Variants in GALNT13 observed in about 807,000 individuals in gnomAD.
The protein encoded by GALNT13 is polypeptide N-acetylgalactosaminyltransferase 13, also known as UDP-GalNAc:polypeptide N-acetylgalactosaminyltransferase 13.
In GALNT13, 28 loss-of-function variants were observed where a neutral mutation model predicts 64.2. The observed-to-expected ratio is 0.44, with a 90% CI of 0.32 to 0.60. The LOEUF (loss-of-function observed/expected upper bound fraction) is 0.60, where lower values mean the gene tolerates loss of function less well. GALNT13 is among the 20% of genes least tolerant of loss of function. GALNT13 has a pLI of 0.05. For synonymous variants in GALNT13, 214 were observed against 224.6 expected (o/e 0.95, Z 0.42); for missense variants, 577 against 669.8 (o/e 0.86, Z 1.53).
intron 3 of GALNT13, among the ~76,000 whole-genome samples, chr2:154,047,925 G>C (rs1314885374): frequency 6.6e-6 from 1 of 152,150 alleles, no homozygotes; most frequent in Non-Finnish European, 1.5e-5. Flanking sequence ...TGTGACAACT[G>C]AAAGTGTCTC....
chr2:154,287,059 C>A, intron 8 of GALNT13: 1 of 710,716 alleles, frequency 1.4e-6, no homozygotes, highest in South Asian at 1.4e-5. Flanking sequence ...CCTTACAGGT[C>A]ATCTTTGGGC....
At chr2:153,119,282 T>C in the GALNT13 span, among the ~76,000 whole-genome samples, 8 of 152,056 alleles carry the variant, frequency 5.3e-5, no homozygotes, top group Non-Finnish European at 8.8e-5. Flanking sequence ...ACCCATGCAG[T>C]TTGGCTTTAG....
At chr2:153,896,003 T>G (rs933522703) in intron 1 of GALNT13, among the ~76,000 whole-genome samples, 1 of 149,110 alleles carries the variant, frequency 6.7e-6, no homozygotes, top group African/African-American at 2.5e-5. Flanking sequence ...ATAAAATAGT[T>G]TGTATGATAT....
the GALNT13 span, among the ~76,000 whole-genome samples, chr2:153,552,624 C>T: frequency 7.5e-6 from 1 of 133,678 alleles, no homozygotes; most frequent in Non-Finnish European, 1.5e-5. Flanking sequence ...GAATCAAAGG[C>T]ATCATTGACA....
At chr2:153,447,469 A>T in the GALNT13 span, among the ~76,000 whole-genome samples, 1 of 152,218 alleles carries the variant, frequency 6.6e-6, no homozygotes, top group Admixed American at 6.5e-5. Context: ...AAGGGGAAAA[A>T]TACACGTATA....
the GALNT13 span, among the ~76,000 whole-genome samples, chr2:153,400,536 C>G: frequency 2.0e-5 from 3 of 152,132 alleles, no homozygotes; most frequent in African/African-American, 7.2e-5. Flanking sequence ...TAGAATTCGG[C>G]TGTGAATCCA....
the GALNT13 span, among the ~76,000 whole-genome samples, chr2:153,736,992 G>A: frequency 6.6e-6 from 1 of 152,132 alleles, no homozygotes; most frequent in South Asian, 2.1e-4. Context: ...TTCTGGGAGG[G>A]CAGTCCTCTG....
chr2:153,398,792 TG>T, the GALNT13 span, among the ~76,000 whole-genome samples: 3 of 142,626 alleles, frequency 2.1e-5, no homozygotes, highest in Non-Finnish European at 4.6e-5. Flanking sequence ...CTTGTAAATT[TG>T]TTGGAGTTCA....
At chr2:153,282,701 C>A in the GALNT13 span, among the ~76,000 whole-genome samples, 2 of 152,340 alleles carry the variant, frequency 1.3e-5, no homozygotes, top group South Asian at 4.1e-4. Context: ...CAGGTATGAG[C>A]CACTGCACCC....
chr2:153,396,241 C>G, the GALNT13 span, among the ~76,000 whole-genome samples: 2 of 151,966 alleles, frequency 1.3e-5, no homozygotes, highest in Non-Finnish European at 2.9e-5. Flanking sequence ...CTGCTAGGCA[C>G]AGGGAATATG....
intron 12 of GALNT13, among the ~76,000 whole-genome samples, chr2:154,439,457 C>T (rs1701170596): frequency 6.6e-6 from 1 of 150,548 alleles, no homozygotes; most frequent in African/African-American, 2.5e-5. Context: ...AATTGGTTGT[C>T]TGTGTTACAT....
chr2:153,705,396 A>T, the GALNT13 span, among the ~76,000 whole-genome samples: 1 of 133,164 alleles, frequency 7.5e-6, no homozygotes, highest in Admixed American at 7.5e-5. Flanking sequence ...TACCACTGTT[A>T]AAAAAAAAAA....
chr2:153,613,872 G>A, the GALNT13 span, among the ~76,000 whole-genome samples: 1 of 152,006 alleles, frequency 6.6e-6, no homozygotes, highest in Admixed American at 6.6e-5. Context: ...GTGGGGTGGG[G>A]GAGCAGGGAG....
At chr2:153,661,680 G>T in the GALNT13 span, among the ~76,000 whole-genome samples, 1 of 152,138 alleles carries the variant, frequency 6.6e-6, no homozygotes, top group East Asian at 1.9e-4. Context: ...CAAAAGAGAT[G>T]ATGCAAATGA....
At chr2:153,408,077 G>A in the GALNT13 span, among the ~76,000 whole-genome samples, 2,210 of 152,244 alleles carry the variant, frequency 0.015, 50 homozygotes, top group African/African-American at 0.05. Context: ...ATTTCCCTTC[G>A]CTCCTAATGA....
At chr2:153,140,453 T>G in the GALNT13 span, among the ~76,000 whole-genome samples, 1 of 151,976 alleles carries the variant, frequency 6.6e-6, no homozygotes, top group Non-Finnish European at 1.5e-5. Flanking sequence ...TCATAAAAGG[T>G]GAAGAAACTG....
the GALNT13 span, among the ~76,000 whole-genome samples, chr2:153,681,291 C>T: frequency 6.6e-6 from 1 of 151,770 alleles, no homozygotes; most frequent in Non-Finnish European, 1.5e-5. Context: ...ACTGAAATGA[C>T]ACAATTGTGA....
the GALNT13 span, among the ~76,000 whole-genome samples, chr2:153,251,225 T>A: frequency 1.1e-4 from 16 of 152,168 alleles, no homozygotes; most frequent in Non-Finnish European, 1.9e-4. Flanking sequence ...GTTACAAAAT[T>A]ATGGGAATCT....
the GALNT13 span, among the ~76,000 whole-genome samples, chr2:153,169,579 A>G: frequency 6.6e-6 from 1 of 152,124 alleles, no homozygotes; most frequent in African/African-American, 2.4e-5. Context: ...AGATTAGGAA[A>G]GCTGTAGCTC....
Sources: allele counts gnomAD v4.1 joint callset (sites outside exome capture counted in the v4.1 genomes callset), GRCh38; gene constraint gnomAD v4.1.1; transcripts MANE v1.5; gene names NCBI Gene and HGNC (gene_info 2026-07-23, HGNC 2026-07-21).